Variants in CCN6 observed in about 807,000 individuals in gnomAD.
CCN6 encodes cellular communication network factor 6, also known as CCN family member 6.
In CCN6, 31 loss-of-function variants were observed where a neutral mutation model predicts 37.4. The ratio of observed to expected loss-of-function variants is 0.83; its 90% CI spans 0.62 to 1.12. CCN6 has a LOEUF of 1.12. Ranked by LOEUF, CCN6 falls within the 50% of genes most tolerant of loss-of-function variation. The probability of loss-of-function intolerance (pLI) is 0.00; values close to 1 mark genes in which losing one functional copy is unlikely to be tolerated. For missense variants in CCN6, 369 were observed against 413.8 expected (o/e 0.89, Z 0.94); for synonymous variants, 137 against 142.1 (o/e 0.96, Z 0.26).
intron 1 of CCN6, among the ~76,000 whole-genome samples, chr6:112,058,324 A>G (rs58038616): frequency 4.5e-4 from 69 of 152,338 alleles, no homozygotes; most frequent in African/African-American, 1.6e-3. Flanking sequence ...AATTTCCTAC[A>G]GATACTTCTA....
In CCN6 at chr6:112,064,801, T is replaced by C. The variant is rs1554313564; in HGVS notation, c.393T>C (p.Asn131=). ...GCEFNQVHYH[N]GQVFQPNPLF... ...AGTTCAACCAGGTACATTATCATAA[T>C]GGCCAAGTGTTTCAGCCCAACCCCT... is the stretch of plus-strand genomic sequence containing the variant. Residue 131 remains asparagine, a synonymous_variant, in exon 3 of 5, where the codon AAT becomes AAC. Coordinates refer to ENST00000368666, the MANE Select transcript of CCN6 (RefSeq NM_198239.2). The C allele has an allele frequency of 6.2e-7, 1 of 1,613,984 alleles. No homozygotes were observed. Among genetic ancestry groups the C allele is most frequent in the African/African-American group, 1.3e-5 (1 of 74,932 alleles).
At chr6:112,067,599 T>C (rs2114467047) in intron 3 of CCN6, among the ~76,000 whole-genome samples, 1 of 152,246 alleles carries the variant, frequency 6.6e-6, no homozygotes, top group Middle Eastern at 3.4e-3. Context: ...AGTGTGACAA[T>C]TAAGTTGAAT....
chr6:112,063,364 G>A (rs965305581), intron 2 of CCN6, among the ~76,000 whole-genome samples: 1 of 152,034 alleles, frequency 6.6e-6, no homozygotes, highest in African/African-American at 2.4e-5. Context: ...ATGAACTTTC[G>A]ACTCTGTGAC....
At chr6:112,061,385 C>T in intron 2 of CCN6, 97 bp downstream of exon 2, 1 of 1,539,096 alleles carries the variant, frequency 6.5e-7, no homozygotes, top group Non-Finnish European at 8.9e-7. Flanking sequence ...CTTAGTTTGG[C>T]TAAATATGAG....
chr6:112,058,384 A>T (rs1776410818), intron 1 of CCN6, among the ~76,000 whole-genome samples: 1 of 152,246 alleles, frequency 6.6e-6, no homozygotes, highest in South Asian at 2.1e-4. Context: ...TAATCAATTC[A>T]ACAGTCCCTG....
rs1776819104 is a variant in CCN6 at position 112,069,677 on chromosome 6, G to A, written c.*57G>A. On this transcript the variant is annotated 3_prime_UTR_variant, in exon 5 of 5. Transcript: ENST00000368666. The stretch of plus-strand genomic sequence containing the variant: ...CCTGTCATATAATAAAAAAATTAGT[G>A]AGTATAAAATGGTGGCAAATCTACT... 3 of 1,597,466 alleles carry A rather than the reference G, an allele frequency of 1.9e-6. No individual in the cohort carries two copies. Among genetic ancestry groups the A allele is most frequent in the South Asian group, 1.1e-5 (1 of 90,058 alleles).
At chr6:112,059,192 G>A (rs1776435401) in intron 1 of CCN6, among the ~76,000 whole-genome samples, 2 of 152,078 alleles carry the variant, frequency 1.3e-5, no homozygotes, top group African/African-American at 4.8e-5. Flanking sequence ...ATGTCACATA[G>A]GACAACTTAA....
At chr6:112,063,182 T>C (rs1554313191) in intron 2 of CCN6, among the ~76,000 whole-genome samples, 3 of 152,240 alleles carry the variant, frequency 2.0e-5, no homozygotes. Flanking sequence ...GGTTGAAATA[T>C]GTGAAGAAAA....
intron 3 of CCN6, among the ~76,000 whole-genome samples, chr6:112,066,753 A>G (rs1776706942): frequency 6.6e-6 from 1 of 152,196 alleles, no homozygotes; most frequent in Admixed American, 6.5e-5. Flanking sequence ...AGCTTTTGCT[A>G]GGTCAGTATG....
upstream of CCN6, among the ~76,000 whole-genome samples, chr6:112,053,192 G>A (rs997438903): frequency 2.6e-5 from 4 of 152,160 alleles, no homozygotes; most frequent in Non-Finnish European, 5.9e-5. Context: ...ATGGAGAAGC[G>A]AAGGTCCCAC....
chr6:112,054,173 A>C lies in CCN6; in HGVS notation c.-185A>C. ...AGAGTCCCATGAAAGTAAACAGGGT[A>C]TTAAAACGGATCCTTAAAAATGAAA... is the stretch of plus-strand genomic sequence containing the variant. On this transcript the variant is annotated 5_prime_UTR_variant, in exon 1 of 5. Coordinates refer to ENST00000368666, the MANE Select transcript of CCN6 (RefSeq NM_198239.2). The C allele has an allele frequency of 1.6e-5, 13 of 821,158 alleles. No individual in the cohort carries two copies. Among genetic ancestry groups the C allele is most frequent in the Non-Finnish European group, 2.8e-5 (13 of 460,914 alleles). 50.9% of individuals were successfully genotyped at this position (821,158 alleles called of 1,614,324 possible).
At chr6:112,063,425 C>G (rs1244311746) in intron 2 of CCN6, among the ~76,000 whole-genome samples, 2 of 152,156 alleles carry the variant, frequency 1.3e-5, no homozygotes, top group African/African-American at 4.8e-5. Context: ...ATCTTTTACT[C>G]ATGTATAATT....
At chr6:112,063,516 T>C (rs587656852) in intron 2 of CCN6, among the ~76,000 whole-genome samples, 2 of 152,310 alleles carry the variant, frequency 1.3e-5, no homozygotes, top group African/African-American at 2.4e-5. Context: ...CACTTAATTA[T>C]GTAATATCTA....
At chr6:112,055,329 C>G (rs898619424) in intron 1 of CCN6, among the ~76,000 whole-genome samples, 3 of 152,174 alleles carry the variant, frequency 2.0e-5, no homozygotes, top group African/African-American at 4.8e-5. Flanking sequence ...TCCTATTCCA[C>G]TGTTCTTGAG....
At chr6:112,059,965 T>C (rs782710830) in intron 1 of CCN6, 7 of 1,350,582 alleles carry the variant, frequency 5.2e-6, no homozygotes, top group Non-Finnish European at 5.9e-6. Flanking sequence ...AAAGAGGGCC[T>C]CACTGAGAAA....
Position 112,069,410 on chromosome 6 carries a change from C to T in CCN6, c.855C>T (p.Cys285=), listed in dbSNP as rs1554314713. Residue 285 remains cysteine, a synonymous_variant, in exon 5 of 5, where the codon TGC becomes TGT. Coordinates refer to ENST00000368666, the MANE Select transcript of CCN6 (RefSeq NM_198239.2). ...CTGAAAAATTTGTCTTTTCTGGATGCTCAAGTACTCAGAGTTACAAACCCA... is the reference window on the plus strand; with the variant it reads ...CTGAAAAATTTGTCTTTTCTGGATGTTCAAGTACTCAGAGTTACAAACCCA... ...SKAEKFVFSG[C]SSTQSYKPTF... 3.1e-6 allele frequency: 5 copies of T among 1,613,682 alleles called. No individual in the cohort carries two copies. The highest frequency in any genetic ancestry group is 3.4e-6 in the Non-Finnish European group (4 of 1,179,868).
chr6:112,065,601 A>AACACACACGCAC (rs1344690919), intron 3 of CCN6, among the ~76,000 whole-genome samples: 1 of 144,228 alleles, frequency 6.9e-6, no homozygotes, highest in East Asian at 2.0e-4. Flanking sequence ...CACACACACA[A>AACACACACGCAC]ACACACACGC....
At chr6:112,067,041 A>C (rs782275065) in intron 3 of CCN6, 5 of 1,366,002 alleles carry the variant, frequency 3.7e-6, no homozygotes, top group Non-Finnish European at 4.9e-6. Context: ...AGGTATCTTC[A>C]CGTTTCTGCT....
chr6:112,063,361 T>C (rs1776582742), intron 2 of CCN6, among the ~76,000 whole-genome samples: 1 of 152,234 alleles, frequency 6.6e-6, no homozygotes, highest in Admixed American at 6.5e-5. Context: ...TCAATGAACT[T>C]TCGACTCTGT....
Sources: gnomAD v4.1 joint callset for allele counts (sites outside exome capture counted in the v4.1 genomes callset) on GRCh38, gnomAD v4.1.1 for gene constraint, MANE v1.5 for transcripts, NCBI Gene and HGNC (gene_info 2026-07-23, HGNC 2026-07-21) for gene names.